Variants in SGCZ observed in about 807,000 individuals in gnomAD.
SGCZ encodes zeta-sarcoglycan.
SGCZ carries 40 observed loss-of-function variants against 41.3 expected under a neutral mutation model. The ratio of observed to expected loss-of-function variants is 0.97; its 90% CI spans 0.75 to 1.26. The LOEUF (loss-of-function observed/expected upper bound fraction) is 1.26. Ranked by LOEUF, SGCZ falls within the 50% of genes most tolerant of loss-of-function variation. The pLI is 0.00. For missense variants in SGCZ, 552 were observed against 369.8 expected (o/e 1.49, Z -4.04); for synonymous variants, 206 against 137.5 (o/e 1.50, Z -3.49).
intron 1 of SGCZ, among the ~76,000 whole-genome samples, chr8:14,721,663 T>C (rs189684730): frequency 2.8e-4 from 43 of 152,362 alleles, no homozygotes; most frequent in Admixed American, 2.3e-3. Flanking sequence ...TTTGTCACCC[T>C]ATTTCTGTCC....
At chr8:14,181,989 C>G (rs570833569) in intron 4 of SGCZ, among the ~76,000 whole-genome samples, 23 of 152,198 alleles carry the variant, frequency 1.5e-4, no homozygotes, top group African/African-American at 4.8e-4. Context: ...TGGTTACATA[C>G]CTAACCTCAA....
intron 1 of SGCZ, among the ~76,000 whole-genome samples, chr8:15,126,401 A>G (rs1364202527): frequency 3.3e-5 from 5 of 152,202 alleles, no homozygotes; most frequent in African/African-American, 1.2e-4. Context: ...CTTCGGATTC[A>G]TTAATTAATT....
intron 1 of SGCZ, among the ~76,000 whole-genome samples, chr8:14,782,411 G>C (rs1193564371): frequency 6.6e-6 from 1 of 151,880 alleles, no homozygotes; most frequent in African/African-American, 2.4e-5. Flanking sequence ...TTTTCTTTTT[G>C]TTCATGTATC....
At chr8:14,822,478 A>T (rs1802136197) in intron 1 of SGCZ, among the ~76,000 whole-genome samples, 2 of 152,214 alleles carry the variant, frequency 1.3e-5, no homozygotes, top group South Asian at 4.1e-4. Context: ...ACAGAAACAA[A>T]AAAGAAATTC....
In SGCZ at chr8:14,457,454, G is replaced by A. The variant is rs1255367589; in HGVS notation, c.234+97278C>T. On this transcript the variant is annotated intron_variant, in intron 2 of 7. Transcript: ENST00000382080. ...AAAGAGGGGGTCTCCCTTTCCCTGGGGGAGTTTAGAGAAGACTCTGCTCCT... is the reference window on the plus strand; with the variant it reads ...AAAGAGGGGGTCTCCCTTTCCCTGGAGGAGTTTAGAGAAGACTCTGCTCCT... Among the ~76,000 whole-genome samples, 10 of 152,286 alleles carry A rather than the reference G, an allele frequency of 6.6e-5. 1 individual carries two copies. Among genetic ancestry groups the A allele is most frequent in the African/African-American group, 2.2e-4 (9 of 41,576 alleles).
chr8:14,362,766 T>C (rs965771934), intron 2 of SGCZ, among the ~76,000 whole-genome samples: 3 of 152,094 alleles, frequency 2.0e-5, no homozygotes, highest in Non-Finnish European at 4.4e-5. Flanking sequence ...AAATCACCCA[T>C]CTTCTGTGTC....
At chr8:15,081,270 G>A (rs1253889982) in intron 1 of SGCZ, among the ~76,000 whole-genome samples, 2 of 152,142 alleles carry the variant, frequency 1.3e-5, no homozygotes, top group Non-Finnish European at 2.9e-5. Context: ...CATTTACAGT[G>A]TGATTTTCAA....
chr8:14,628,999 T>A (rs752301502), intron 1 of SGCZ, among the ~76,000 whole-genome samples: 1 of 152,140 alleles, frequency 6.6e-6, no homozygotes, highest in Admixed American at 6.6e-5. Context: ...TAACACAGGA[T>A]GTTTGCAAAA....
intron 4 of SGCZ, among the ~76,000 whole-genome samples, chr8:14,213,015 A>C (rs1284499053): frequency 6.6e-6 from 1 of 152,104 alleles, no homozygotes; most frequent in African/African-American, 2.4e-5. Flanking sequence ...AGGATTACTC[A>C]GTACAACAAA....
rs554354077 is a variant in SGCZ, at chr8:14,843,338, C to G, written c.40-288412G>C. On this transcript the variant is annotated intron_variant, in intron 1 of 7. Transcript: ENST00000382080. ...ACGACCTATGAGTACATTATTAAAA[C>G]TCTTTGATTATTTCTGGCTTAATGT... Among the ~76,000 whole-genome samples the G allele has an allele frequency of 1.8e-4, 28 of 151,958 alleles. No homozygotes were observed. In the Middle Eastern group the frequency reaches 0.014, roughly 74 times the overall value.
At chr8:14,979,330 A>G (rs1337354436) in intron 1 of SGCZ, among the ~76,000 whole-genome samples, 1 of 152,172 alleles carries the variant, frequency 6.6e-6, no homozygotes, top group Admixed American at 6.5e-5. Context: ...GGAATTGCTA[A>G]ATTTCATCTT....
chr8:15,173,713 T>C (rs1037642153), intron 1 of SGCZ, among the ~76,000 whole-genome samples: 3 of 152,170 alleles, frequency 2.0e-5, no homozygotes, highest in Non-Finnish European at 2.9e-5. Context: ...TCAGGCAGTT[T>C]TTAATTGGCA....
chr8:14,201,428 C>A (rs909179064), intron 4 of SGCZ, among the ~76,000 whole-genome samples: 3 of 152,060 alleles, frequency 2.0e-5, no homozygotes, highest in African/African-American at 7.2e-5. Context: ...ATCCATGCAA[C>A]AGAATACTCC....
At chr8:14,301,771 C>G (rs1390810718) in intron 3 of SGCZ, among the ~76,000 whole-genome samples, 1 of 152,098 alleles carries the variant, frequency 6.6e-6, no homozygotes, top group African/African-American at 2.4e-5. Context: ...TTAATTTTTA[C>G]TTATCATGCT....
At chr8:14,586,284 G>A (rs1370502846) in intron 1 of SGCZ, among the ~76,000 whole-genome samples, 1 of 152,040 alleles carries the variant, frequency 6.6e-6, no homozygotes, top group Non-Finnish European at 1.5e-5. Context: ...CCCGATCTCT[G>A]TTGACTGCAA....
At chr8:14,287,269 G>C (rs981595781) in intron 3 of SGCZ, among the ~76,000 whole-genome samples, 1 of 151,596 alleles carries the variant, frequency 6.6e-6, no homozygotes, top group African/African-American at 2.4e-5. Context: ...AATTAAACTA[G>C]GAAAAAAGGC....
At chr8:15,137,843 G>C (rs1290606777) in intron 1 of SGCZ, among the ~76,000 whole-genome samples, 1 of 152,190 alleles carries the variant, frequency 6.6e-6, no homozygotes, top group Non-Finnish European at 1.5e-5. Context: ...TGTGGGGTTG[G>C]AGCCCCCACA....
At chr8:14,520,188 G>T (rs1802747527) in intron 2 of SGCZ, among the ~76,000 whole-genome samples, 1 of 152,196 alleles carries the variant, frequency 6.6e-6, no homozygotes, top group South Asian at 2.1e-4. Context: ...ATGTAAGAAT[G>T]CATTGGAACT....
At chr8:14,848,786 G>C (rs1366804301) in intron 1 of SGCZ, among the ~76,000 whole-genome samples, 4 of 152,098 alleles carry the variant, frequency 2.6e-5, no homozygotes, top group Admixed American at 2.6e-4. Flanking sequence ...ATTAGGCAAA[G>C]ATTTCTTAAG....
Sources: allele counts gnomAD v4.1 joint callset (sites outside exome capture counted in the v4.1 genomes callset), GRCh38; gene constraint gnomAD v4.1.1; transcripts MANE v1.5; gene names NCBI Gene and HGNC (gene_info 2026-07-23, HGNC 2026-07-21).